The following SV2C variants were observed in gnomAD, a reference collection of about 807,000 sequenced individuals.
SV2C encodes the protein synaptic vesicle glycoprotein 2C.
A neutral mutation model predicts 79.7 loss-of-function variants in SV2C; 49 were observed. The observed-to-expected ratio is 0.61, with a 90% CI of 0.49 to 0.78. The LOEUF (loss-of-function observed/expected upper bound fraction) is 0.78, where lower values mean the gene tolerates loss of function less well. Among genes scored for constraint, SV2C ranks in the 30% least tolerant of loss-of-function variants. The probability of loss-of-function intolerance (pLI) is 0.00; values close to 1 mark genes in which losing one functional copy is unlikely to be tolerated. For missense variants in SV2C, 833 were observed against 912.9 expected, an observed-to-expected ratio of 0.91 and a Z score of 1.13; for synonymous variants, 334 against 333.2, an observed-to-expected ratio of 1.00 and a Z score of -0.03.
At chr5:75,885,056 A>G in the SV2C span, among the ~76,000 whole-genome samples, 4 of 152,194 alleles carry the variant, frequency 2.6e-5, no homozygotes, top group Admixed American at 1.3e-4. Flanking sequence ...AAATTATTAC[A>G]TAACCAGCTT....
At chr5:75,921,049 T>A in the SV2C span, 4 of 740,736 alleles carry the variant, frequency 5.4e-6, no homozygotes, top group Non-Finnish European at 7.2e-6. Flanking sequence ...TGATGCCATG[T>A]TTCTTGTAGT....
intron 1 of SV2C, among the ~76,000 whole-genome samples, chr5:76,117,458 G>A (rs1748310187): frequency 1.3e-5 from 2 of 152,054 alleles, no homozygotes; most frequent in South Asian, 4.1e-4. Flanking sequence ...TCTTTGAAAA[G>A]TAACTAAGCA....
intron 2 of SV2C, among the ~76,000 whole-genome samples, chr5:76,161,137 T>C (rs73132224): frequency 0.019 from 2,888 of 152,214 alleles, 83 homozygotes; most frequent in African/African-American, 0.065. Flanking sequence ...CATAAATTAA[T>C]GAATAGACAA....
chr5:76,030,805 T>C, the SV2C span, among the ~76,000 whole-genome samples: 1 of 151,734 alleles, frequency 6.6e-6, no homozygotes, highest in Admixed American at 6.6e-5. Context: ...AAAGAAAGGT[T>C]TGTGCCTCCC....
At chr5:76,353,049 T>A in intron 12 of SV2C, 1 of 449,412 alleles carries the variant, frequency 2.2e-6, no homozygotes, top group Non-Finnish European at 4.5e-6. Flanking sequence ...CAAGTGATCC[T>A]CTTGCCTCTG....
At chr5:76,152,772 T>C (rs900849693) in intron 2 of SV2C, among the ~76,000 whole-genome samples, 1 of 152,178 alleles carries the variant, frequency 6.6e-6, no homozygotes, top group Admixed American at 6.5e-5. Context: ...AAAGAATTCT[T>C]CTGCCCCCCA....
chr5:76,258,131 G>GGT (rs10664841), intron 4 of SV2C, among the ~76,000 whole-genome samples: 27,608 of 148,390 alleles, frequency 0.19, 2,934 homozygotes, highest in East Asian at 0.29. Context: ...TGGTATATGG[G>GGT]GTGTGTGTGT....
chr5:75,991,333 T>C, the SV2C span, among the ~76,000 whole-genome samples: 1 of 151,700 alleles, frequency 6.6e-6, no homozygotes, highest in Admixed American at 6.6e-5. Context: ...TTTTGAGTTT[T>C]AAAAATTATA....
At chr5:75,911,587 C>T in the SV2C span, 1 of 681,764 alleles carries the variant, frequency 1.5e-6, no homozygotes, top group South Asian at 1.6e-5. Context: ...TCCAGAACTA[C>T]AAAAGAAGCC....
intron 12 of SV2C, among the ~76,000 whole-genome samples, chr5:76,341,886 C>T (rs1387060500): frequency 1.3e-5 from 2 of 152,156 alleles, no homozygotes; most frequent in Non-Finnish European, 2.9e-5. Context: ...GGAACCTTGG[C>T]ATTGCCTAAC....
intron 2 of SV2C, among the ~76,000 whole-genome samples, chr5:76,137,131 A>AACGT (rs1271259562): frequency 6.6e-6 from 1 of 152,202 alleles, no homozygotes; most frequent in Non-Finnish European, 1.5e-5. Context: ...AAGAATACCC[A>AACGT]ATTAGATTGG....
chr5:75,968,006 G>T, the SV2C span, among the ~76,000 whole-genome samples: 1 of 150,896 alleles, frequency 6.6e-6, no homozygotes, highest in African/African-American at 2.5e-5. Flanking sequence ...CAGCATTTGT[G>T]GGTTCACCAA....
chr5:75,945,036 C>G, the SV2C span, among the ~76,000 whole-genome samples: 3 of 152,070 alleles, frequency 2.0e-5, no homozygotes, highest in South Asian at 6.2e-4. Flanking sequence ...ACAGAATTAA[C>G]AGAGGGCAAC....
chr5:76,078,690 A>G, upstream of SV2C: 1 of 486,524 alleles, frequency 2.1e-6, no homozygotes, highest in Admixed American at 2.5e-5. Context: ...GCACAGCAAG[A>G]TCAACTTCAT....
At chr5:76,352,224 A>G (rs1309760818) in intron 12 of SV2C, among the ~76,000 whole-genome samples, 3 of 152,148 alleles carry the variant, frequency 2.0e-5, no homozygotes, top group African/African-American at 7.2e-5. Flanking sequence ...AAACAAAACA[A>G]AACAAAACAA....
chr5:76,323,333 G>A (rs1748889493), intron 12 of SV2C, among the ~76,000 whole-genome samples: 1 of 152,218 alleles, frequency 6.6e-6, no homozygotes, highest in Non-Finnish European at 1.5e-5. Flanking sequence ...AAACTGCAAT[G>A]AGATACTATC....
At chr5:75,864,899 A>G in the SV2C span, among the ~76,000 whole-genome samples, 2 of 149,910 alleles carry the variant, frequency 1.3e-5, no homozygotes, top group African/African-American at 2.5e-5. Flanking sequence ...GTGGGAGTAG[A>G]GCAGAAAGGG....
chr5:76,039,281 C>T, the SV2C span, among the ~76,000 whole-genome samples: 1 of 152,206 alleles, frequency 6.6e-6, no homozygotes, highest in Non-Finnish European at 1.5e-5. Flanking sequence ...AGATACAGCT[C>T]ATATCTCCTT....
intron 12 of SV2C, among the ~76,000 whole-genome samples, chr5:76,310,568 G>A (rs1034644169): frequency 5.3e-5 from 8 of 152,294 alleles, no homozygotes; most frequent in African/African-American, 1.9e-4. Flanking sequence ...CCAATGTGGG[G>A]TTTGGGGGCA....
Sources: allele counts gnomAD v4.1 joint callset (sites outside exome capture counted in the v4.1 genomes callset), GRCh38; gene constraint gnomAD v4.1.1; transcripts MANE v1.5; gene names NCBI Gene and HGNC (gene_info 2026-07-23, HGNC 2026-07-21).